TBCE: variants seen among roughly 807,000 people sequenced by gnomAD.
The protein encoded by TBCE is tubulin folding cofactor E.
In TBCE, 53 loss-of-function variants were observed where a neutral mutation model predicts 77.0. The ratio of observed to expected loss-of-function variants is 0.69; its 90% CI spans 0.55 to 0.87. The LOEUF is 0.87. TBCE is among the 40% of genes least tolerant of loss of function. The probability of loss-of-function intolerance (pLI) is 0.00; values close to 1 mark genes in which losing one functional copy is unlikely to be tolerated. For synonymous variants in TBCE, 235 were observed against 241.3 expected (o/e 0.97, Z 0.24); for missense variants, 624 against 622.4 (o/e 1.00, Z -0.03).
intron 1 of TBCE, among the ~76,000 whole-genome samples, chr1:235,378,390 T>G (rs1213207122): frequency 1.5e-5 from 1 of 67,354 alleles, no homozygotes; most frequent in Non-Finnish European, 2.6e-5. Context: ...CTGGCTAATT[T>G]TTGTATTTTT....
At chr1:235,386,943 G>A (rs2102827085) in intron 2 of TBCE, among the ~76,000 whole-genome samples, 2 of 152,168 alleles carry the variant, frequency 1.3e-5, no homozygotes, top group South Asian at 4.2e-4. Flanking sequence ...TCTACTTTTG[G>A]TCTTTGATGA....
intron 5 of TBCE, among the ~76,000 whole-genome samples, chr1:235,426,413 AGAT>A (rs1475528375): frequency 1.3e-5 from 2 of 152,092 alleles, no homozygotes; most frequent in Non-Finnish European, 2.9e-5. Flanking sequence ...TCTGCCCTGT[AGAT>A]GCTATTTATC....
intron 2 of TBCE, among the ~76,000 whole-genome samples, chr1:235,385,526 G>A (rs1677945429): frequency 6.6e-6 from 1 of 152,012 alleles, no homozygotes; most frequent in African/African-American, 2.4e-5. Context: ...ATATATTTAG[G>A]ATAGTTAGCT....
In TBCE at chr1:235,380,098, A is replaced by G; in HGVS notation, c.49A>G (p.Asn17Asp). The G allele has an allele frequency of 6.2e-7, 1 of 1,613,252 alleles. No homozygotes were observed. Among genetic ancestry groups the G allele is most frequent in the East Asian group, 2.2e-5 (1 of 44,826 alleles). Residue 17 changes from asparagine to aspartate, a missense_variant, in exon 2 of 17, where the codon AAT becomes GAT. Coordinates refer to ENST00000642610, the MANE Select transcript of TBCE (RefSeq NM_003193.5). ...ADVIGRRVEV[N>D]GEHATVRFAG... The stretch of plus-strand genomic sequence containing the variant: ...TGTCATTGGTCGAAGAGTTGAAGTT[A>G]ATGGAGAACATGCAACAGTACGTTT...
chr1:235,449,457 A>G lies in TBCE; in HGVS notation c.*695A>G, dbSNP rs1366326767. ...CCTTCCCGATGGCACTAAAACCCTGAGAGGTATTTGCTTTTATTCATACTC... is the reference window on the plus strand; with the variant it reads ...CCTTCCCGATGGCACTAAAACCCTGGGAGGTATTTGCTTTTATTCATACTC... On this transcript the variant is annotated 3_prime_UTR_variant, in exon 17 of 17. Transcript: ENST00000642610. 1 of 153,206 alleles carries G rather than the reference A, an allele frequency of 6.5e-6. No individual in the cohort carries two copies. The highest frequency in any genetic ancestry group is 1.9e-4 in the East Asian group (1 of 5,228). 9.5% of individuals were successfully genotyped at this position (153,206 alleles called of 1,614,324 possible).
intron 2 of TBCE, among the ~76,000 whole-genome samples, chr1:235,393,558 A>G (rs1158077827): frequency 1.3e-5 from 2 of 151,982 alleles, no homozygotes; most frequent in East Asian, 1.9e-4. Flanking sequence ...TTTATTGATT[A>G]TATCTTATTA....
At chr1:235,375,001 A>G (rs6673403) in intron 1 of TBCE, among the ~76,000 whole-genome samples, 71,777 of 133,112 alleles carry the variant, frequency 0.54, 20,780 homozygotes, top group East Asian at 0.65. Flanking sequence ...GCTCACTGCA[A>G]GCTCCGCCTC....
At chr1:235,405,741 A>G (rs1679388850) in intron 3 of TBCE, among the ~76,000 whole-genome samples, 1 of 152,200 alleles carries the variant, frequency 6.6e-6, no homozygotes, top group African/African-American at 2.4e-5. Context: ...TCATTATCAA[A>G]TATTATGTAC....
intron 2 of TBCE, among the ~76,000 whole-genome samples, chr1:235,395,381 T>A (rs1678659455): frequency 6.6e-6 from 1 of 152,128 alleles, no homozygotes; most frequent in Admixed American, 6.6e-5. Flanking sequence ...CTTTTAGTTA[T>A]ATAAAGATGC....
rs1160564868 is a variant in TBCE, at chr1:235,451,206, C to T, written c.*2444C>T. 1.2e-4 allele frequency: 19 copies of T among 152,166 alleles called. No homozygotes were observed. The highest frequency in any genetic ancestry group is 1.2e-3 in the Admixed American group (19 of 15,268). 9.4% of individuals were successfully genotyped at this position (152,166 alleles called of 1,614,324 possible). A position where few individuals can be genotyped will look rare whatever the true frequency, so the allele number is the denominator to read the frequency against. ...CTCAGGGGTGATAAAACAAAACACACTCAGCTTGTCTGTCTCAGTCTTGCC... is the reference window on the plus strand; with the variant it reads ...CTCAGGGGTGATAAAACAAAACACATTCAGCTTGTCTGTCTCAGTCTTGCC... On this transcript the variant is annotated 3_prime_UTR_variant, in exon 17 of 17. Coordinates refer to ENST00000642610, the MANE Select transcript of TBCE (RefSeq NM_003193.5).
At chr1:235,386,503 T>A (rs1268410840) in intron 2 of TBCE, among the ~76,000 whole-genome samples, 1 of 152,184 alleles carries the variant, frequency 6.6e-6, no homozygotes, top group East Asian at 1.9e-4. Flanking sequence ...CATTTCTTTT[T>A]ATTCTTTTTT....
chr1:235,394,729 T>C (rs1678627291), intron 2 of TBCE, among the ~76,000 whole-genome samples: 2 of 152,054 alleles, frequency 1.3e-5, no homozygotes, highest in South Asian at 2.1e-4. Context: ...CCCTTATTTT[T>C]TGAGACAGAG....
intron 1 of TBCE, among the ~76,000 whole-genome samples, chr1:235,378,909 T>C (rs577675834): frequency 6.6e-6 from 1 of 152,186 alleles, no homozygotes; most frequent in African/African-American, 2.4e-5. Context: ...AGATGAAGGT[T>C]TGGAAATTAA....
intron 2 of TBCE, among the ~76,000 whole-genome samples, chr1:235,396,682 G>A (rs576406750): frequency 1.3e-5 from 2 of 152,138 alleles, no homozygotes; most frequent in African/African-American, 4.8e-5. Context: ...TTTAACTGGA[G>A]TGATGTGATA....
rs1437848943 is a variant in TBCE, at chr1:235,374,777, A to G, written c.-31-5242A>G. 3.4e-5 allele frequency among the ~76,000 whole-genome samples: 5 copies of G among 145,492 alleles called. 1 individual carries two copies. The highest frequency in any genetic ancestry group is 7.5e-5 in the Non-Finnish European group (5 of 66,588). On this transcript the variant is annotated intron_variant, in intron 1 of 16. Transcript: ENST00000642610. ...TGTCCTCCCGAAGTGCTGGGATTAC[A>G]GGTGTGAGCTACTGTGCCCAGCTGG...
chr1:235,443,090 C>T (rs995535487), intron 15 of TBCE, 179 bp downstream of exon 15: 7 of 658,920 alleles, frequency 1.1e-5, no homozygotes, highest in Non-Finnish European at 1.3e-5. Context: ...CCCCCATGCC[C>T]CCAAAAGTTC....
intron 2 of TBCE, among the ~76,000 whole-genome samples, chr1:235,392,536 G>A (rs916418240): frequency 7.3e-5 from 11 of 150,350 alleles, no homozygotes; most frequent in African/African-American, 2.7e-4. Flanking sequence ...TTAGCCTGCC[G>A]AGTAGCTAGG....
At chr1:235,443,347 C>T (rs896312826) in intron 15 of TBCE, among the ~76,000 whole-genome samples, 1 of 151,904 alleles carries the variant, frequency 6.6e-6, no homozygotes, top group Admixed American at 6.6e-5. Context: ...ACTACACGTG[C>T]GAGCCACCAA....
At chr1:235,396,951 A>ATTGTTTGTTTGT (rs1052914645) in intron 2 of TBCE, among the ~76,000 whole-genome samples, 1 of 128,304 alleles carries the variant, frequency 7.8e-6, no homozygotes, top group African/African-American at 3.3e-5. Context: ...CACTTTGTTG[A>ATTGTTTGTTTGT]TTGTTTATTT....
Sources: allele counts gnomAD v4.1 joint callset (sites outside exome capture counted in the v4.1 genomes callset), GRCh38; gene constraint gnomAD v4.1.1; transcripts MANE v1.5; gene names NCBI Gene and HGNC (gene_info 2026-07-23, HGNC 2026-07-21).